PPP1R12B: variants seen among roughly 807,000 people sequenced by gnomAD.
PPP1R12B encodes the protein myosin phosphatase target subunit 2.
Under a neutral mutation model 126.1 loss-of-function variants are expected in PPP1R12B, and 76 were observed. That is an observed-to-expected ratio of 0.60 (90% CI 0.50 to 0.73). The LOEUF (loss-of-function observed/expected upper bound fraction) is 0.73. Among genes scored for constraint, PPP1R12B ranks in the 30% least tolerant of loss-of-function variants. The pLI, the probability that PPP1R12B is intolerant of heterozygous loss-of-function variation, is 0.00. For missense variants in PPP1R12B, 1,052 were observed against 1,205.1 expected, an observed-to-expected ratio of 0.87 and a Z score of 1.88; for synonymous variants, 356 against 434.7, an observed-to-expected ratio of 0.82 and a Z score of 2.25.
At chr1:202,433,866 C>G (rs1422466104) in intron 8 of PPP1R12B, among the ~76,000 whole-genome samples, 1 of 152,194 alleles carries the variant, frequency 6.6e-6, no homozygotes, top group Non-Finnish European at 1.5e-5. Context: ...ATCATTTTGG[C>G]TGGGAACTCT....
intron 21 of PPP1R12B, 60 bp downstream of exon 21, chr1:202,564,607 A>G (rs1687882409): frequency 5.8e-6 from 8 of 1,369,040 alleles, no homozygotes; most frequent in Non-Finnish European, 8.2e-6. Context: ...GAAGCAAACT[A>G]GACTAGGGAT....
At chr1:202,353,193 C>G (rs1168305568) in intron 1 of PPP1R12B, among the ~76,000 whole-genome samples, 1 of 152,180 alleles carries the variant, frequency 6.6e-6, no homozygotes, top group Non-Finnish European at 1.5e-5. Context: ...ATTTTGTGTG[C>G]TAACTCATAT....
At chr1:202,442,612 C>T in intron 12 of PPP1R12B, 40 bp downstream of exon 12, 4 of 1,571,994 alleles carry the variant, frequency 2.5e-6, no homozygotes, top group Non-Finnish European at 3.5e-6. Flanking sequence ...TTCTTTCACT[C>T]TAGCCATGGG....
intron 1 of PPP1R12B, among the ~76,000 whole-genome samples, chr1:202,370,696 C>G (rs1660071355): frequency 6.6e-6 from 1 of 152,130 alleles, no homozygotes; most frequent in Non-Finnish European, 1.5e-5. Flanking sequence ...GCCACCACAC[C>G]CAACTAATTT....
chr1:202,553,322 C>G (rs1190058368), intron 18 of PPP1R12B, among the ~76,000 whole-genome samples: 1 of 152,138 alleles, frequency 6.6e-6, no homozygotes, highest in African/African-American at 2.4e-5. Context: ...GTAATTCCTT[C>G]TTTGAACAGT....
At chr1:202,486,941 C>T (rs546695659) in intron 13 of PPP1R12B, among the ~76,000 whole-genome samples, 20 of 152,286 alleles carry the variant, frequency 1.3e-4, no homozygotes, top group Non-Finnish European at 2.8e-4. Flanking sequence ...AGAGAACACT[C>T]GCAATTCATA....
intron 1 of PPP1R12B, among the ~76,000 whole-genome samples, chr1:202,389,598 G>A (rs1663765754): frequency 6.6e-6 from 1 of 150,884 alleles, no homozygotes; most frequent in African/African-American, 2.4e-5. Flanking sequence ...CCGAGATTGT[G>A]CCACTGCACA....
chr1:202,460,133 T>G (rs1401040667), intron 13 of PPP1R12B, among the ~76,000 whole-genome samples: 1 of 152,202 alleles, frequency 6.6e-6, no homozygotes, highest in Non-Finnish European at 1.5e-5. Context: ...TCCTTTAGCT[T>G]TTTCTCTCTC....
chr1:202,350,614 T>A (rs1655767506), intron 1 of PPP1R12B, among the ~76,000 whole-genome samples: 1 of 151,700 alleles, frequency 6.6e-6, no homozygotes, highest in Non-Finnish European at 1.5e-5. Flanking sequence ...CTTGTTTTTC[T>A]TTTTCTTTTT....
chr1:202,444,148 C>A (rs1438015784), intron 12 of PPP1R12B, among the ~76,000 whole-genome samples: 1 of 152,150 alleles, frequency 6.6e-6, no homozygotes, highest in Non-Finnish European at 1.5e-5. Context: ...CCCAGCTATG[C>A]CAAACCTTCA....
intron 13 of PPP1R12B, among the ~76,000 whole-genome samples, chr1:202,468,129 T>G (rs1288309608): frequency 6.6e-6 from 1 of 152,212 alleles, no homozygotes; most frequent in Non-Finnish European, 1.5e-5. Context: ...TATTAGCCCT[T>G]TGTCAGATGA....
chr1:202,356,293 C>G (rs897481449), intron 1 of PPP1R12B, among the ~76,000 whole-genome samples: 2 of 152,024 alleles, frequency 1.3e-5, no homozygotes, highest in Non-Finnish European at 2.9e-5. Context: ...AGACAAGAGA[C>G]TTGATTTTAG....
At chr1:202,507,026 A>G (rs1337865259) in intron 18 of PPP1R12B, among the ~76,000 whole-genome samples, 2 of 152,248 alleles carry the variant, frequency 1.3e-5, no homozygotes, top group African/African-American at 4.8e-5. Context: ...TGACAGTCAT[A>G]GATGAAAACC....
At chr1:202,510,791 C>G (rs1485875830) in intron 18 of PPP1R12B, among the ~76,000 whole-genome samples, 2 of 150,930 alleles carry the variant, frequency 1.3e-5, no homozygotes, top group African/African-American at 4.9e-5. Flanking sequence ...TCATAATACT[C>G]ACATTTTATT....
intron 13 of PPP1R12B, among the ~76,000 whole-genome samples, chr1:202,449,780 G>A (rs1257934711): frequency 4.6e-5 from 7 of 151,996 alleles, no homozygotes; most frequent in Non-Finnish European, 7.4e-5. Context: ...TCTGCCTCCC[G>A]GGTTCATGCC....
intron 13 of PPP1R12B, among the ~76,000 whole-genome samples, chr1:202,480,451 A>G (rs1288720995): frequency 2.6e-5 from 4 of 152,220 alleles, no homozygotes; most frequent in African/African-American, 9.6e-5. Context: ...TTTTTCACAG[A>G]ACACCGTTTT....
At chr1:202,395,779 C>T (rs575283223) in intron 1 of PPP1R12B, among the ~76,000 whole-genome samples, 2 of 152,310 alleles carry the variant, frequency 1.3e-5, no homozygotes, top group African/African-American at 4.8e-5. Flanking sequence ...TCCCTAAACC[C>T]TAAACTCGTT....
In PPP1R12B at chr1:202,581,624, G is replaced by C. The variant is rs1468367190; in HGVS notation, c.*1064G>C. The C allele has an allele frequency of 6.6e-6, 1 of 152,182 alleles. No homozygotes were observed. The highest frequency in any genetic ancestry group is 1.9e-4 in the East Asian group (1 of 5,202). The allele number at this position is 152,182 out of a possible 1,614,324, so 9.4% of individuals were successfully genotyped here. A position where few individuals can be genotyped will look rare whatever the true frequency, so the allele number is the denominator to read the frequency against. ...TGCAAGGAGGAATGAGAGGTGGGGA[G>C]GGGAGATTGTTGAGAGATGGACTAG... On this transcript the variant is annotated 3_prime_UTR_variant, in exon 24 of 24. Coordinates refer to ENST00000608999, the MANE Select transcript of PPP1R12B (RefSeq NM_002481.4).
intron 18 of PPP1R12B, among the ~76,000 whole-genome samples, chr1:202,511,251 C>T (rs1305107601): frequency 1.3e-5 from 2 of 150,956 alleles, no homozygotes; most frequent in Non-Finnish European, 1.5e-5. Flanking sequence ...GAGTCTCCTT[C>T]TGTCGCCCAG....
Sources: gnomAD v4.1 joint callset for allele counts (sites outside exome capture counted in the v4.1 genomes callset) on GRCh38, gnomAD v4.1.1 for gene constraint, MANE v1.5 for transcripts, NCBI Gene and HGNC (gene_info 2026-07-23, HGNC 2026-07-21) for gene names.